Variants in SMG8 observed in about 807,000 individuals in gnomAD.
SMG8 encodes the protein nonsense-mediated mRNA decay factor SMG8.
SMG8 carries 49 observed loss-of-function variants against 82.1 expected under a neutral mutation model. The ratio of observed to expected loss-of-function variants is 0.60; its 90% confidence interval spans 0.47 to 0.76. The LOEUF (loss-of-function observed/expected upper bound fraction) is 0.76, where lower values mean the gene tolerates loss of function less well. SMG8 is among the 30% of genes least tolerant of loss of function. The pLI, the probability that SMG8 is intolerant of heterozygous loss-of-function variation, is 0.00. For synonymous variants in SMG8, 404 were observed against 430.0 expected (o/e 0.94, Z 0.75); for missense variants, 969 against 1,166.4 (o/e 0.83, Z 2.46).
rs775554235 is a variant in SMG8 at position 59,211,168 on chromosome 17, C to G, written c.1117C>G (p.Leu373Val). ...DPESLLVPAP[L>V]SGPRRYQVMR... is the part of the protein sequence containing the mutation. ...GGAATCTTTGCTGGTGCCTGCACCC[C>G]TTTCTGGGCCTAGGCGATACCAGGT... Residue 373 changes from leucine (L) to valine (V), a missense_variant, in exon 1 of 4, where the codon CTT (leucine) becomes GTT (valine). This residue lies in a region of SMG8 where 662 missense variants were observed against 884.8 expected (regional missense o/e 0.75). Coordinates refer to ENST00000300917, the MANE Select transcript of SMG8 (RefSeq NM_018149.7). 2 of 1,614,090 alleles carry G rather than the reference C, an allele frequency of 1.2e-6. No homozygotes were observed. Among genetic ancestry groups the G allele is most frequent in the Non-Finnish European group, 1.7e-6 (2 of 1,180,030 alleles).
chr17:59,213,550 G>C lies in SMG8; in HGVS notation c.2727G>C (p.Arg909Ser), dbSNP rs1303287212. Reference protein sequence around the residue: ...GLKPHYAQLMRLFVVVPDAPL... With the variant: ...GLKPHYAQLMSLFVVVPDAPL... ...AACCTCATTATGCTCAACTTATGAG[G>C]CTTTTTGTTGTGGTTCCTGATGCTC... Residue 909 changes from arginine to serine, a missense_variant, in exon 3 of 4, where the codon AGG becomes AGC. Coordinates refer to ENST00000300917, the MANE Select transcript of SMG8 (RefSeq NM_018149.7). 6.2e-7 allele frequency: 1 copy of C among 1,613,906 alleles called. No homozygotes were observed. The highest frequency in any genetic ancestry group is 2.2e-5 in the East Asian group (1 of 44,890).
rs1270732271 is a variant in SMG8 at position 59,210,345 on chromosome 17, CG to C, written c.295del (p.Val99TrpfsTer135). On this transcript the variant is annotated frameshift_variant, in exon 1 of 4. Coordinates refer to ENST00000300917, the MANE Select transcript of SMG8 (RefSeq NM_018149.7). LOFTEE classifies it high-confidence loss of function. ...CTGGAATCAGAACTGAGGCTGGCGCCGTGGGTGAGGCCGGTGGAGCCGAGGA... is the reference window on the plus strand; with the variant it reads ...CTGGAATCAGAACTGAGGCTGGCGCCTGGGTGAGGCCGGTGGAGCCGAGGA... Reference protein sequence around the residue: ...GPGIRTEAGAVGEAGGAEDPG... With the variant: ...GPGIRTEAGAXGEAGGAEDPG... The C allele has an allele frequency of 6.2e-7, 1 of 1,612,154 alleles. No individual in the cohort carries two copies. The highest frequency in any genetic ancestry group is 1.1e-5 in the South Asian group (1 of 90,852).
chr17:59,211,453 G>C lies in SMG8; in HGVS notation c.1402G>C (p.Gly468Arg). 1 of 1,614,092 alleles carries C rather than the reference G, an allele frequency of 6.2e-7. No homozygotes were observed. The highest frequency in any genetic ancestry group is 8.5e-7 in the Non-Finnish European group (1 of 1,179,998). The part of the protein sequence containing the change: ...VAIDGKEEDL[G>R]SPTGELTSKI... ...TATTGATGGGAAAGAAGAGGACTTG[G>C]GGTCACCCACTGGAGAGCTAACATC... The change falls in exon 1 of 4, where the codon GGG becomes CGG. Residue 468 changes from glycine (G) to arginine (R), a missense_variant. By Grantham distance (125) the Gly-to-Arg change is moderately radical. Coordinates refer to ENST00000300917, the MANE Select transcript of SMG8 (RefSeq NM_018149.7).
Position 59,212,350 on chromosome 17 carries a change from C to T in SMG8, c.1769C>T (p.Pro590Leu). 1 of 1,560,728 alleles carries T rather than the reference C, an allele frequency of 6.4e-7. No homozygotes were observed. The highest frequency in any genetic ancestry group is 8.7e-7 in the Non-Finnish European group (1 of 1,144,320). ...CTGTTATATTTTCCAGGAGAAAAACCAGAGGCTGATAGAAATCCGCCTGTG... is the reference window on the plus strand; with the variant it reads ...CTGTTATATTTTCCAGGAGAAAAACTAGAGGCTGATAGAAATCCGCCTGTG... ...FHSLPKSGEK[P>L]EADRNPPVLY... The change falls in exon 2 of 4, where the codon CCA becomes CTA. Residue 590 changes from proline (P) to leucine (L), a missense_variant. Pro to Leu is a moderately conservative substitution (Grantham distance 98, BLOSUM62 -3). Around this residue, in one of 3 missense-constraint regions of SMG8, gnomAD observed 662 missense variants for 884.8 expected, o/e 0.75. Coordinates refer to ENST00000300917, the MANE Select transcript of SMG8 (RefSeq NM_018149.7).
rs1185001808 is a variant in SMG8, at chr17:59,213,530, C to A, written c.2707C>A (p.His903Asn). Residue 903 changes from histidine to asparagine, a missense_variant, in exon 3 of 4, where the codon CAT becomes AAT. By Grantham distance (68) the His-to-Asn change is moderately conservative. Around this residue, in one of 3 missense-constraint regions of SMG8, gnomAD observed 101 missense variants for 91.1 expected, o/e 1.11. Transcript: ENST00000300917. Reference sequence around the variant, plus strand: ...CTCTCAAGGTAGAGGGCTGAAACCTCATTATGCTCAACTTATGAGGCTTTT... The same window carrying A: ...CTCTCAAGGTAGAGGGCTGAAACCTAATTATGCTCAACTTATGAGGCTTTT... ...SSSQGRGLKP[H>N]YAQLMRLFVV... 1 of 1,614,082 alleles carries A rather than the reference C, an allele frequency of 6.2e-7. No homozygotes were observed.
chr17:59,215,220 C>G lies in SMG8; in HGVS notation c.*218C>G. ...AACTTTCTAATAAAGATTGGTTGTT[C>G]TAGAAAAGAATATAAAATACATGGA... On this transcript the variant is annotated 3_prime_UTR_variant, in exon 4 of 4. Coordinates refer to ENST00000300917, the MANE Select transcript of SMG8 (RefSeq NM_018149.7). 1 of 482,064 alleles carries G rather than the reference C, an allele frequency of 2.1e-6. No homozygotes were observed. The highest frequency in any genetic ancestry group is 3.7e-6 in the Non-Finnish European group (1 of 271,840). The allele number at this position is 482,064 out of a possible 1,614,324, so 29.9% of individuals were successfully genotyped here.
At position 59,211,623 on chromosome 17, in the gene SMG8, T is replaced by C. The variant is rs1457361907; in HGVS notation, c.1572T>C (p.His524=). The part of the protein sequence containing the change: ...NLPHNYTMTV[H]KNQLAQALRV... Reference sequence around the variant, plus strand: ...CTCATAATTACACAATGACTGTCCATAAGAATCAGCTTGCCCAGGCTCTTC... The same window carrying C: ...CTCATAATTACACAATGACTGTCCACAAGAATCAGCTTGCCCAGGCTCTTC... The change falls in exon 1 of 4, where the codon CAT becomes CAC. Residue 524 remains histidine (H), a synonymous_variant. Transcript: ENST00000300917. 1 of 1,614,104 alleles carries C rather than the reference T, an allele frequency of 6.2e-7. No individual in the cohort carries two copies. Among genetic ancestry groups the C allele is most frequent in the Non-Finnish European group, 8.5e-7 (1 of 1,180,026 alleles).
chr17:59,210,552 G>C lies in SMG8; in HGVS notation c.501G>C (p.Arg167=). ...CDNSQLLRAC[R]ALQSGEAGGG... The stretch of plus-strand genomic sequence containing the variant: ...ATTCACAGCTTCTCCGGGCTTGTCG[G>C]GCTCTTCAGAGCGGGGAAGCTGGAG... Residue 167 remains arginine, a synonymous_variant, in exon 1 of 4, where the codon CGG becomes CGC. Transcript: ENST00000300917. The C allele has an allele frequency of 1.3e-6, 2 of 1,567,642 alleles. No homozygotes were observed. The highest frequency in any genetic ancestry group is 1.7e-6 in the Non-Finnish European group (2 of 1,160,218).
intron 3 of SMG8, among the ~76,000 whole-genome samples, chr17:59,214,219 G>A (rs181750759): frequency 9.1e-4 from 138 of 152,116 alleles, no homozygotes; most frequent in African/African-American, 3.1e-3. Context: ...ACCTGTAAGC[G>A]GAGGTTGCAG....
Position 59,215,105 on chromosome 17 carries a change from A to G in SMG8, c.*103A>G. On this transcript the variant is annotated 3_prime_UTR_variant, in exon 4 of 4. Coordinates refer to ENST00000300917, the MANE Select transcript of SMG8 (RefSeq NM_018149.7). ...TTTACTGTGTTTTCCCAAATCCAAA[A>G]TGTGTTTTGGTTACAGGAGTTCAGT... is the stretch of plus-strand genomic sequence containing the variant. The G allele has an allele frequency of 2.8e-6, 2 of 718,762 alleles. No individual in the cohort carries two copies. Among genetic ancestry groups the G allele is most frequent in the Non-Finnish European group, 2.4e-6 (1 of 410,834 alleles). 44.5% of individuals were successfully genotyped at this position (718,762 alleles called of 1,614,324 possible). A position where few individuals can be genotyped will look rare whatever the true frequency, so the allele number is the denominator to read the frequency against.
rs137980220 is a variant in SMG8, at chr17:59,213,491, T to C, written c.2668T>C (p.Tyr890His). 428 of 1,614,208 alleles carry C rather than the reference T, an allele frequency of 2.7e-4. 1 individual carries two copies. The highest frequency in any genetic ancestry group is 1.8e-3 in the Admixed American group (108 of 60,022). The change falls in exon 3 of 4, where the codon TAT (tyrosine) becomes CAT (histidine). Residue 890 changes from tyrosine (Y) to histidine (H), a missense_variant. By Grantham distance (83) the Tyr-to-His change is moderately conservative. Around this residue, in one of 3 missense-constraint regions of SMG8, gnomAD observed 101 missense variants for 91.1 expected, o/e 1.11. Coordinates refer to ENST00000300917, the MANE Select transcript of SMG8 (RefSeq NM_018149.7). ...AGCCCTAAATAGTGACATGCCCTTA[T>C]ATATTCTGTCATCCTCTCAAGGTAG... The part of the protein sequence containing the change: ...LKALNSDMPL[Y>H]ILSSSQGRGL...
At position 59,211,007 on chromosome 17, in the gene SMG8, C is replaced by G. The variant is rs1370343096; in HGVS notation, c.956C>G (p.Thr319Ser). 1 of 1,614,076 alleles carries G rather than the reference C, an allele frequency of 6.2e-7. No individual in the cohort carries two copies. The highest frequency in any genetic ancestry group is 1.7e-5 in the Admixed American group (1 of 59,994). ...YRIFRKSRVL[T>S]NQSINCLFTV... is the part of the protein sequence containing the mutation. ...ATCTTCCGGAAGAGTCGTGTCTTGA[C>G]TAATCAGAGCATCAACTGCCTCTTT... is the stretch of plus-strand genomic sequence containing the variant. The change falls in exon 1 of 4, where the codon ACT becomes AGT. Residue 319 changes from threonine to serine, a missense_variant. Transcript: ENST00000300917.
chr17:59,213,367 C>T lies in SMG8; in HGVS notation c.2544C>T (p.Gly848=). 6.2e-7 allele frequency: 1 copy of T among 1,614,084 alleles called. No individual in the cohort carries two copies. The highest frequency in any genetic ancestry group is 8.5e-7 in the Non-Finnish European group (1 of 1,180,030). ...RRDDIARAFV[G]FEYEDSRGRR... ...ATGACATAGCTCGAGCTTTTGTGGG[C>T]TTTGAATATGAAGACTCTCGAGGTC... The change falls in exon 3 of 4, where the codon GGC becomes GGT. Residue 848 remains glycine (G), a synonymous_variant. Coordinates refer to ENST00000300917, the MANE Select transcript of SMG8 (RefSeq NM_018149.7).
Position 59,212,773 on chromosome 17 carries a change from C to A in SMG8, c.1950C>A (p.Phe650Leu), listed in dbSNP as rs957739533. The stretch of plus-strand genomic sequence containing the variant: ...GTGGAAAATTGGATCATATCAATTT[C>A]CCAGTATTTGAACCAAGTACTCCAG... Reference protein sequence around the residue: ...KCCGKLDHINFPVFEPSTPDP... With the variant: ...KCCGKLDHINLPVFEPSTPDP... Residue 650 changes from phenylalanine (F) to leucine (L), a missense_variant, in exon 3 of 4, where the codon TTC becomes TTA. Phe to Leu is a conservative substitution (Grantham distance 22). Transcript: ENST00000300917. The A allele has an allele frequency of 1.2e-6, 2 of 1,611,042 alleles. No homozygotes were observed. Among genetic ancestry groups the A allele is most frequent in the Admixed American group, 1.7e-5 (1 of 59,108 alleles).
At position 59,214,945 on chromosome 17, in the gene SMG8, T is replaced by C; in HGVS notation, c.2919T>C (p.Asn973=). 1.1e-6 allele frequency: 1 copy of C among 872,836 alleles called. No individual in the cohort carries two copies. Among genetic ancestry groups the C allele is most frequent in the Non-Finnish European group, 2.0e-6 (1 of 501,650 alleles). The allele number at this position is 872,836 out of a possible 1,614,324, so 54.1% of individuals were successfully genotyped here. A position where few individuals can be genotyped will look rare whatever the true frequency, so the allele number is the denominator to read the frequency against. The part of the protein sequence containing the change: ...ERGPCFPPKE[N]VQLMSYKVLR... ...GACCTTGTTTCCCCCCTAAGGAAAATGTGCAGTTAATGAGCTACAAGGTGC... is the reference window on the plus strand; with the variant it reads ...GACCTTGTTTCCCCCCTAAGGAAAACGTGCAGTTAATGAGCTACAAGGTGC... The change falls in exon 4 of 4, where the codon AAT becomes AAC. Residue 973 remains asparagine, a synonymous_variant. Coordinates refer to ENST00000300917, the MANE Select transcript of SMG8 (RefSeq NM_018149.7).
chr17:59,211,616 C>T lies in SMG8; in HGVS notation c.1565C>T (p.Thr522Ile), dbSNP rs1185509247. 1 of 1,614,118 alleles carries T rather than the reference C, an allele frequency of 6.2e-7. No individual in the cohort carries two copies. Residue 522 changes from threonine to isoleucine, a missense_variant, in exon 1 of 4, where the codon ACT becomes ATT. Thr to Ile is a moderately conservative substitution (Grantham distance 89). This residue lies in a region of SMG8 where 662 missense variants were observed against 884.8 expected (regional missense o/e 0.75). Transcript: ENST00000300917. ...QSNLPHNYTM[T>I]VHKNQLAQAL... Reference sequence around the variant, plus strand: ...AATTTGCCTCATAATTACACAATGACTGTCCATAAGAATCAGCTTGCCCAG... The same window carrying T: ...AATTTGCCTCATAATTACACAATGATTGTCCATAAGAATCAGCTTGCCCAG...
intron 3 of SMG8, among the ~76,000 whole-genome samples, chr17:59,214,300 AAAG>A (rs768579118): frequency 3.9e-5 from 6 of 152,180 alleles, no homozygotes; most frequent in Non-Finnish European, 7.3e-5. Context: ...TGCAAAAAAA[AAAG>A]TTCTGGGGAA....
Position 59,212,413 on chromosome 17 carries a change from G to A in SMG8, c.1832G>A (p.Cys611Tyr), listed in dbSNP as rs896470169. Residue 611 changes from cysteine to tyrosine, a missense_variant, in exon 2 of 4, where the codon TGC becomes TAC. Physicochemically the swap from Cys to Tyr is radical, Grantham distance 194 (BLOSUM62 -2). This residue lies in a region of SMG8 where 662 missense variants were observed against 884.8 expected (regional missense o/e 0.75). Coordinates refer to ENST00000300917, the MANE Select transcript of SMG8 (RefSeq NM_018149.7). ...HNSRARSTGA[C>Y]NCGRKQAPRD... Reference sequence around the variant, plus strand: ...AGCCGAGCTCGATCTACTGGTGCTTGCAACTGTGGAAGGAAACAAGCACCT... The same window carrying A: ...AGCCGAGCTCGATCTACTGGTGCTTACAACTGTGGAAGGAAACAAGCACCT... 3.7e-6 allele frequency: 6 copies of A among 1,609,292 alleles called. No homozygotes were observed. The highest frequency in any genetic ancestry group is 1.7e-6 in the Non-Finnish European group (2 of 1,176,464).
Position 59,213,409 on chromosome 17 carries a change from T to C in SMG8, c.2586T>C (p.Ser862=). ...EDSRGRRFMC[S]GPDKVMKVMG... ...CTCGAGGTCGGAGATTCATGTGCTC[T>C]GGGCCTGACAAAGTAATGAAAGTAA... The change falls in exon 3 of 4, where the codon TCT becomes TCC. Residue 862 remains serine, a synonymous_variant. Coordinates refer to ENST00000300917, the MANE Select transcript of SMG8 (RefSeq NM_018149.7). 6.2e-7 allele frequency: 1 copy of C among 1,614,196 alleles called. No individual in the cohort carries two copies. The highest frequency in any genetic ancestry group is 1.1e-5 in the South Asian group (1 of 91,088).
Sources: gnomAD v4.1 joint callset for allele counts (sites outside exome capture counted in the v4.1 genomes callset) on GRCh38, gnomAD v4.1.1 for gene constraint, gnomAD v4.1.1 regional missense constraint, MANE v1.5 for transcripts, NCBI Gene and HGNC (gene_info 2026-07-23, HGNC 2026-07-21) for gene names.